SNTN: variants seen among roughly 807,000 people sequenced by gnomAD.
SNTN encodes the protein sentan.
SNTN carries 13 observed loss-of-function variants against 12.3 expected under a neutral mutation model. The ratio of observed to expected loss-of-function variants is 1.05; its 90% confidence interval spans 0.69 to 1.67. SNTN has a LOEUF of 1.67. SNTN is among the 40% of genes most tolerant of loss of function. The pLI is 0.00. For missense variants in SNTN, 189 were observed against 169.8 expected, an observed-to-expected ratio of 1.11 and a Z score of -0.63; for synonymous variants, 69 against 58.5, an observed-to-expected ratio of 1.18 and a Z score of -0.82.
At chr3:63,659,407 T>C (rs997985979) in intron 2 of SNTN, among the ~76,000 whole-genome samples, 1 of 152,200 alleles carries the variant, frequency 6.6e-6, no homozygotes, top group Non-Finnish European at 1.5e-5. Flanking sequence ...GCTCTATCAA[T>C]ATTTGTTGAA....
Position 63,664,383 on chromosome 3 carries a change from T to A in SNTN, c.*288T>A. The A allele has an allele frequency of 4.2e-6, 1 of 235,442 alleles. No individual in the cohort carries two copies. Among genetic ancestry groups the A allele is most frequent in the Non-Finnish European group, 8.2e-6 (1 of 122,374 alleles). 14.6% of individuals were successfully genotyped at this position (235,442 alleles called of 1,614,324 possible). On this transcript the variant is annotated 3_prime_UTR_variant, in exon 4 of 4. Transcript: ENST00000343837. ...GCGACCTAGAGCACTCTACTTATAG[T>A]CATTGAGTCACTCATTTATTCACTA...
At chr3:63,652,877 T>C in intron 1 of SNTN, 80 bp downstream of exon 1, 8 of 1,358,554 alleles carry the variant, frequency 5.9e-6, no homozygotes, top group Non-Finnish European at 8.3e-6. Context: ...GTCAACAGCT[T>C]TATAAGCCAA....
chr3:63,663,147 A>G (rs1465575807), intron 3 of SNTN, among the ~76,000 whole-genome samples: 1 of 152,170 alleles, frequency 6.6e-6, no homozygotes, highest in African/African-American at 2.4e-5. Flanking sequence ...AAAACATAAT[A>G]TGTGTGTTCA....
rs554540836 is a variant in SNTN at position 63,659,859 on chromosome 3, G to A, written c.280G>A (p.Ala94Thr). ...GCTGCAAACCCAATTTAGGAATTTCGCAGAGGTGAGAGAATTAACTTGCAT... is the reference window on the plus strand; with the variant it reads ...GCTGCAAACCCAATTTAGGAATTTCACAGAGGTGAGAGAATTAACTTGCAT... ...DLLQTQFRNF[A>T]EGQETKPKYR... The change falls in exon 3 of 4, where the codon GCA (alanine) becomes ACA (threonine). Residue 94 changes from alanine to threonine, a missense_variant. Physicochemically the swap from Ala to Thr is moderately conservative, Grantham distance 58. Transcript: ENST00000343837. 88 of 1,613,674 alleles carry A rather than the reference G, an allele frequency of 5.5e-5. 1 individual carries two copies. Among genetic ancestry groups the A allele is most frequent in the East Asian group, 4.0e-4 (18 of 44,840 alleles).
At chr3:63,659,063 T>G (rs1433290868) in intron 2 of SNTN, among the ~76,000 whole-genome samples, 2 of 152,148 alleles carry the variant, frequency 1.3e-5, no homozygotes, top group South Asian at 2.1e-4. Context: ...TATTGGTGAC[T>G]AAAAGAACAC....
At chr3:63,662,231 G>C (rs1700750377) in intron 3 of SNTN, among the ~76,000 whole-genome samples, 2 of 152,162 alleles carry the variant, frequency 1.3e-5, no homozygotes, top group South Asian at 4.1e-4. Context: ...GTGAGTCAAT[G>C]GCAAAGCTCA....
chr3:63,658,029 A>C (rs1385732023), intron 2 of SNTN, among the ~76,000 whole-genome samples: 1 of 152,114 alleles, frequency 6.6e-6, no homozygotes, highest in Admixed American at 6.5e-5. Context: ...CTTTGAAGAA[A>C]ATCCTGATTC....
At chr3:63,655,221 G>A (rs72876614) in intron 2 of SNTN, among the ~76,000 whole-genome samples, 3,254 of 152,182 alleles carry the variant, frequency 0.021, 89 homozygotes, top group African/African-American at 0.064. Flanking sequence ...CTCTCGAAGT[G>A]TAAATATTTG....
chr3:63,660,566 TA>T (rs1194524313), intron 3 of SNTN, among the ~76,000 whole-genome samples: 2 of 152,124 alleles, frequency 1.3e-5, no homozygotes, highest in African/African-American at 2.4e-5. Flanking sequence ...AAGAGACGTT[TA>T]GAAGGTGGAA....
chr3:63,662,852 CTT>C (rs1467605661), intron 3 of SNTN, among the ~76,000 whole-genome samples: 9 of 152,148 alleles, frequency 5.9e-5, no homozygotes, highest in African/African-American at 1.9e-4. Flanking sequence ...AATCAAATGA[CTT>C]TAACATTTTT....
In SNTN at chr3:63,659,852, G is replaced by T; in HGVS notation, c.273G>T (p.Arg91Ser). ...IAKDLLQTQF[R>S]NFAEGQETKP... ...AAGATCTGCTGCAAACCCAATTTAG[G>T]AATTTCGCAGAGGTGAGAGAATTAA... The change falls in exon 3 of 4, where the codon AGG becomes AGT. Residue 91 changes from arginine to serine, a missense_variant. Transcript: ENST00000343837. 1.2e-6 allele frequency: 2 copies of T among 1,613,760 alleles called. No individual in the cohort carries two copies. Among genetic ancestry groups the T allele is most frequent in the Non-Finnish European group, 1.7e-6 (2 of 1,179,886 alleles).
intron 1 of SNTN, among the ~76,000 whole-genome samples, chr3:63,653,919 A>G (rs1700647845): frequency 6.6e-6 from 1 of 152,078 alleles, no homozygotes; most frequent in African/African-American, 2.4e-5. Context: ...TGCCACCCAC[A>G]CTATACCTCC....
chr3:63,660,461 A>C (rs1224994125), intron 3 of SNTN, among the ~76,000 whole-genome samples: 1 of 152,202 alleles, frequency 6.6e-6, no homozygotes, highest in Non-Finnish European at 1.5e-5. Flanking sequence ...TGGAATAGGA[A>C]AAAAGGGAAT....
At chr3:63,654,434 C>T (rs1700653670) in intron 1 of SNTN, among the ~76,000 whole-genome samples, 1 of 152,100 alleles carries the variant, frequency 6.6e-6, no homozygotes, top group African/African-American at 2.4e-5. Context: ...CCTTAGTCAG[C>T]TTGAATGGGG....
intron 2 of SNTN, among the ~76,000 whole-genome samples, chr3:63,657,633 A>G (rs937460631): frequency 1.3e-5 from 2 of 152,190 alleles, no homozygotes; most frequent in African/African-American, 4.8e-5. Context: ...TTTTTAAAAG[A>G]GATGCAGGAA....
chr3:63,657,288 C>T (rs1436909946), intron 2 of SNTN, among the ~76,000 whole-genome samples: 1 of 152,124 alleles, frequency 6.6e-6, no homozygotes, highest in Non-Finnish European at 1.5e-5. Context: ...TCTTTCCCTG[C>T]ACCCCCATTC....
Position 63,659,898 on chromosome 3 carries a change from C to G in SNTN, c.285+34C>G, listed in dbSNP as rs765874615. On this transcript the variant is annotated intron_variant, in intron 3 of 3. Transcript: ENST00000343837. Reference sequence around the variant, plus strand: ...ATTAACTTGCATAAAGAAACAGAAACTACACCCTCATGGCTGACCCAATGA... The same window carrying G: ...ATTAACTTGCATAAAGAAACAGAAAGTACACCCTCATGGCTGACCCAATGA... 27 of 1,612,478 alleles carry G rather than the reference C, an allele frequency of 1.7e-5. No homozygotes were observed. In the African/African-American group the frequency reaches 2.7e-4, roughly 16 times the overall value.
At chr3:63,653,666 GA>G (rs1293471821) in intron 1 of SNTN, among the ~76,000 whole-genome samples, 1 of 152,164 alleles carries the variant, frequency 6.6e-6, no homozygotes, top group East Asian at 1.9e-4. Flanking sequence ...ATTGGGGGTT[GA>G]AAAATCAAGC....
chr3:63,654,251 G>A (rs1255190747), intron 1 of SNTN, among the ~76,000 whole-genome samples: 1 of 152,096 alleles, frequency 6.6e-6, no homozygotes, highest in East Asian at 1.9e-4. Context: ...CTAAGCTGCT[G>A]GAACAAAAAA....
Sources: allele counts gnomAD v4.1 joint callset (sites outside exome capture counted in the v4.1 genomes callset), GRCh38; gene constraint gnomAD v4.1.1; transcripts MANE v1.5; gene names NCBI Gene and HGNC (gene_info 2026-07-23, HGNC 2026-07-21).